Variants in ROBO2 observed in about 807,000 individuals in gnomAD.
The protein encoded by ROBO2 is roundabout guidance receptor 2.
A neutral mutation model predicts 160.8 loss-of-function variants in ROBO2; 53 were observed. The ratio of observed to expected loss-of-function variants is 0.33; its 90% CI spans 0.26 to 0.41. ROBO2 has a LOEUF of 0.41. Among genes scored for constraint, ROBO2 ranks in the 10% least tolerant of loss-of-function variants. The pLI, the probability that ROBO2 is intolerant of heterozygous loss-of-function variation, is 1.00. For missense variants in ROBO2, 1,577 were observed against 1,722.4 expected (o/e 0.92, Z 1.49); for synonymous variants, 664 against 611.7 (o/e 1.09, Z -1.26).
intron 2 of ROBO2, among the ~76,000 whole-genome samples, chr3:76,378,604 G>A (rs2076465611): frequency 6.6e-6 from 1 of 152,158 alleles, no homozygotes; most frequent in Non-Finnish European, 1.5e-5. Context: ...AACAATTACA[G>A]TGCAGAGTAG....
At position 76,067,401 on chromosome 3, in the gene ROBO2, G is replaced by A. The variant is rs554966937; in HGVS notation, c.109+129799G>A. On this transcript the variant is annotated intron_variant, in intron 2 of 26. Coordinates refer to the ROBO2 transcript ENST00000487694. ...TTTGAACAAATGTTTGGAAAACATG[G>A]TAGAGATTGGCAACCAAATTTAGTC... Among the ~76,000 whole-genome samples the A allele has an allele frequency of 7.2e-5, 11 of 152,252 alleles. No homozygotes were observed. The South Asian group carries it at 2.3e-3, about 32-fold the overall frequency.
At chr3:76,794,358 C>G (rs1354075971) in intron 2 of ROBO2, among the ~76,000 whole-genome samples, 1 of 151,850 alleles carries the variant, frequency 6.6e-6, no homozygotes, top group African/African-American at 2.4e-5. Context: ...GAAACACTTG[C>G]ATTTTATCCT....
intron 2 of ROBO2, among the ~76,000 whole-genome samples, chr3:77,321,836 A>G (rs2064736558): frequency 6.6e-6 from 1 of 152,160 alleles, no homozygotes; most frequent in Non-Finnish European, 1.5e-5. Flanking sequence ...ACAACAAACT[A>G]AGAGAGTACA....
At chr3:75,956,636 G>A (rs942232172) in intron 2 of ROBO2, among the ~76,000 whole-genome samples, 2 of 151,680 alleles carry the variant, frequency 1.3e-5, no homozygotes, top group Admixed American at 1.3e-4. Flanking sequence ...CCCTTCTAGT[G>A]GGATAATGTT....
intron 2 of ROBO2, among the ~76,000 whole-genome samples, chr3:76,111,288 C>T (rs1463735871): frequency 6.6e-6 from 1 of 151,970 alleles, no homozygotes; most frequent in South Asian, 2.1e-4. Context: ...CCAAGAAACA[C>T]CAAGCATTGA....
At chr3:76,117,969 G>A (rs1313137777) in intron 2 of ROBO2, among the ~76,000 whole-genome samples, 1 of 151,936 alleles carries the variant, frequency 6.6e-6, no homozygotes, top group African/African-American at 2.4e-5. Flanking sequence ...TACAGGAAGG[G>A]GAACATCACA....
chr3:76,214,294 C>A (rs1277458339), intron 2 of ROBO2, among the ~76,000 whole-genome samples: 1 of 152,156 alleles, frequency 6.6e-6, no homozygotes, highest in Admixed American at 6.5e-5. Context: ...ATGTCCCCTC[C>A]AAAATTTGTG....
intron 1 of ROBO2, among the ~76,000 whole-genome samples, chr3:77,054,404 C>T (rs749768529): frequency 3.3e-5 from 5 of 152,046 alleles, no homozygotes; most frequent in Non-Finnish European, 5.9e-5. Context: ...CCATCTGACC[C>T]CAGATAAATT....
chr3:76,629,259 C>T (rs775190363), intron 2 of ROBO2, among the ~76,000 whole-genome samples: 4 of 152,176 alleles, frequency 2.6e-5, no homozygotes, highest in Non-Finnish European at 5.9e-5. Flanking sequence ...AATATAGTAA[C>T]AATTTTCTTT....
chr3:77,132,089 C>T (rs1301106338), intron 2 of ROBO2, among the ~76,000 whole-genome samples: 1 of 151,972 alleles, frequency 6.6e-6, no homozygotes, highest in Non-Finnish European at 1.5e-5. Flanking sequence ...TAATATATTG[C>T]CATGGCTCAC....
At chr3:75,937,162 A>AT (rs1473510614) in intron 1 of ROBO2, among the ~76,000 whole-genome samples, 6 of 152,080 alleles carry the variant, frequency 3.9e-5, no homozygotes, top group East Asian at 1.9e-4. Flanking sequence ...TCCATACACA[A>AT]TTTTTTTGCT....
intron 2 of ROBO2, among the ~76,000 whole-genome samples, chr3:76,534,544 A>G (rs2082393190): frequency 6.6e-6 from 1 of 152,122 alleles, no homozygotes. Flanking sequence ...CAGGAGAGAT[A>G]GTAAGGAAAA....
chr3:76,956,149 C>T (rs1375095394), intron 2 of ROBO2, among the ~76,000 whole-genome samples: 2 of 152,138 alleles, frequency 1.3e-5, no homozygotes, highest in Non-Finnish European at 2.9e-5. Context: ...ACTGCTTCTT[C>T]CCTCTGGATA....
chr3:76,973,590 A>G (rs2059674982), intron 2 of ROBO2, among the ~76,000 whole-genome samples: 1 of 152,168 alleles, frequency 6.6e-6, no homozygotes. Flanking sequence ...GTCTTCATGT[A>G]TGATGGGCAC....
chr3:76,452,807 C>T (rs1312792053), intron 2 of ROBO2, among the ~76,000 whole-genome samples: 4 of 150,978 alleles, frequency 2.6e-5, no homozygotes, highest in Admixed American at 6.6e-5. Flanking sequence ...TAAAAGTGTT[C>T]CTATTTCTCC....
At chr3:77,250,859 A>C (rs755394329) in intron 2 of ROBO2, among the ~76,000 whole-genome samples, 1 of 152,196 alleles carries the variant, frequency 6.6e-6, no homozygotes, top group Admixed American at 6.5e-5. Flanking sequence ...TAATAGCATT[A>C]ATCCATTCAT....
At chr3:76,171,279 C>T (rs1174558391) in intron 2 of ROBO2, among the ~76,000 whole-genome samples, 1 of 151,410 alleles carries the variant, frequency 6.6e-6, no homozygotes, top group African/African-American at 2.4e-5. Flanking sequence ...TAACTAAAAA[C>T]TCTGGACCCC....
At chr3:77,334,738 A>G (rs2066313916) in intron 2 of ROBO2, among the ~76,000 whole-genome samples, 1 of 151,240 alleles carries the variant, frequency 6.6e-6, no homozygotes, top group African/African-American at 2.4e-5. Flanking sequence ...CAGGAACTGT[A>G]TATATATATA....
chr3:77,086,056 A>G (rs2149976309), intron 1 of ROBO2, among the ~76,000 whole-genome samples: 1 of 152,242 alleles, frequency 6.6e-6, no homozygotes, highest in East Asian at 1.9e-4. Context: ...GATTTTTATA[A>G]TGAAAAATAA....
Sources: gnomAD v4.1 joint callset for allele counts (sites outside exome capture counted in the v4.1 genomes callset) on GRCh38, gnomAD v4.1.1 for gene constraint, MANE v1.5 for transcripts, NCBI Gene and HGNC (gene_info 2026-07-23, HGNC 2026-07-21) for gene names.